NBAS: variants seen among roughly 807,000 people sequenced by gnomAD.
NBAS encodes NAG/BC035112 fusion.
A neutral mutation model predicts 302.5 loss-of-function variants in NBAS; 219 were observed. That is an observed-to-expected ratio of 0.72 (90% CI 0.65 to 0.81). The LOEUF is 0.81. Ranked by LOEUF, NBAS falls within the 30% of genes least tolerant of loss-of-function variation. The probability of loss-of-function intolerance (pLI) is 0.00; values close to 1 mark genes in which losing one functional copy is unlikely to be tolerated. For synonymous variants in NBAS, 1,118 were observed against 1,021.6 expected (o/e 1.09, Z -1.80); for missense variants, 2,932 against 2,841.6 (o/e 1.03, Z -0.72).
chr2:15,536,997 C>T (rs1480513542), intron 7 of NBAS, among the ~76,000 whole-genome samples: 1 of 152,212 alleles, frequency 6.6e-6, no homozygotes, highest in Non-Finnish European at 1.5e-5. Flanking sequence ...GGAAACTACA[C>T]ATGAAATACT....
chr2:15,369,929 A>C (rs1386524779), intron 31 of NBAS, among the ~76,000 whole-genome samples: 2 of 152,224 alleles, frequency 1.3e-5, no homozygotes, highest in African/African-American at 4.8e-5. Flanking sequence ...TATCAATTGC[A>C]GTCACTTGGG....
the NBAS span, among the ~76,000 whole-genome samples, chr2:14,975,684 T>C: frequency 6.6e-6 from 1 of 152,164 alleles, no homozygotes; most frequent in Admixed American, 6.5e-5. Context: ...TCTACCAGCT[T>C]CCTGCAGCTT....
At chr2:15,351,640 T>G (rs940024824) in intron 35 of NBAS, among the ~76,000 whole-genome samples, 7 of 151,904 alleles carry the variant, frequency 4.6e-5, no homozygotes, top group African/African-American at 1.7e-4. Flanking sequence ...ATCACACCAC[T>G]GCACTCTAGC....
the NBAS span, among the ~76,000 whole-genome samples, chr2:15,092,977 T>C: frequency 6.6e-6 from 1 of 152,192 alleles, no homozygotes; most frequent in Non-Finnish European, 1.5e-5. Flanking sequence ...TTTTCTAAAA[T>C]GTTCCTGGGG....
In NBAS at chr2:15,470,956, C is replaced by T. The variant is rs1216238621; in HGVS notation, c.1725+2266G>A. Among the ~76,000 whole-genome samples the T allele has an allele frequency of 2.0e-5, 3 of 152,038 alleles. No homozygotes were observed. In the East Asian group the frequency reaches 5.8e-4, roughly 29 times the overall value. On this transcript the variant is annotated intron_variant, in intron 16 of 51. Coordinates refer to ENST00000281513, the MANE Select transcript of NBAS (RefSeq NM_015909.4). ...AGCCTGGGCAAAAAAAAGCAAAACT[C>T]CATCTCAAAACAAAACAAAAAAAAT... is the stretch of plus-strand genomic sequence containing the variant.
intron 21 of NBAS, among the ~76,000 whole-genome samples, chr2:15,439,802 C>T (rs541144937): frequency 6.6e-6 from 1 of 152,204 alleles, no homozygotes; most frequent in Admixed American, 6.5e-5. Flanking sequence ...CACTCCCACA[C>T]GAATACTGCG....
chr2:14,965,747 CTT>C, the NBAS span, among the ~76,000 whole-genome samples: 1 of 148,552 alleles, frequency 6.7e-6, no homozygotes, highest in African/African-American at 2.4e-5. Context: ...AAAAACATCT[CTT>C]ATGAATATAA....
At chr2:15,222,099 G>A (rs1666972340) in intron 47 of NBAS, among the ~76,000 whole-genome samples, 1 of 152,226 alleles carries the variant, frequency 6.6e-6, no homozygotes, top group African/African-American at 2.4e-5. Flanking sequence ...TGCAAGGCAT[G>A]TAATACAATG....
At chr2:15,521,147 T>C (rs183560463) in intron 9 of NBAS, among the ~76,000 whole-genome samples, 5 of 152,324 alleles carry the variant, frequency 3.3e-5, no homozygotes, top group African/African-American at 1.2e-4. Context: ...TTCCCTGCCC[T>C]TGTGGAGTTA....
chr2:15,121,731 T>A, the NBAS span, among the ~76,000 whole-genome samples: 199 of 35,920 alleles, frequency 5.5e-3, no homozygotes, highest in East Asian at 0.11. Context: ...ACAAAAAAAA[T>A]TTTTTTTTTT....
the NBAS span, among the ~76,000 whole-genome samples, chr2:14,847,927 C>G: frequency 6.6e-6 from 1 of 152,178 alleles, no homozygotes; most frequent in Non-Finnish European, 1.5e-5. Flanking sequence ...TTATATCAAG[C>G]ATCTTCTCTG....
chr2:15,173,625 T>C (rs182889535), intron 51 of NBAS, among the ~76,000 whole-genome samples: 49 of 152,362 alleles, frequency 3.2e-4, no homozygotes, highest in Middle Eastern at 3.4e-3. Context: ...TTTCTCAGCA[T>C]ACCATCAGTT....
chr2:15,391,679 A>C (rs561005239), intron 28 of NBAS, among the ~76,000 whole-genome samples: 1 of 152,192 alleles, frequency 6.6e-6, no homozygotes, highest in African/African-American at 2.4e-5. Flanking sequence ...AAGACCCAAG[A>C]TCCAAGATCC....
intron 21 of NBAS, among the ~76,000 whole-genome samples, chr2:15,450,277 T>C (rs1297711598): frequency 6.6e-6 from 1 of 152,228 alleles, no homozygotes; most frequent in African/African-American, 2.4e-5. Context: ...TTTTGTACTC[T>C]GTGAATAAGC....
the NBAS span, among the ~76,000 whole-genome samples, chr2:14,906,235 T>C: frequency 6.6e-6 from 1 of 152,220 alleles, no homozygotes; most frequent in Non-Finnish European, 1.5e-5. Flanking sequence ...GCAGGCACTG[T>C]GCACAATTTG....
intron 21 of NBAS, among the ~76,000 whole-genome samples, chr2:15,430,804 G>T (rs1677727016): frequency 6.6e-6 from 1 of 151,838 alleles, no homozygotes; most frequent in Non-Finnish European, 1.5e-5. Flanking sequence ...CAGGTAGAGG[G>T]CAACTTTTTT....
intron 44 of NBAS, among the ~76,000 whole-genome samples, chr2:15,249,061 C>T (rs1441841093): frequency 6.6e-6 from 1 of 152,028 alleles, no homozygotes; most frequent in East Asian, 1.9e-4. Flanking sequence ...TGCAAAAATC[C>T]TCAATAAAAT....
intron 9 of NBAS, among the ~76,000 whole-genome samples, chr2:15,529,307 C>T (rs977644640): frequency 2.6e-5 from 4 of 151,946 alleles, no homozygotes; most frequent in African/African-American, 9.7e-5. Flanking sequence ...CAAGATCAGC[C>T]TGAGCAACAT....
the NBAS span, among the ~76,000 whole-genome samples, chr2:15,138,569 G>A: frequency 7.2e-5 from 11 of 152,110 alleles, no homozygotes; most frequent in Non-Finnish European, 1.5e-4. Context: ...CCAGGACCTG[G>A]AGGCCAACTC....
Sources: gnomAD v4.1 joint callset for allele counts (sites outside exome capture counted in the v4.1 genomes callset) on GRCh38, gnomAD v4.1.1 for gene constraint, MANE v1.5 for transcripts, NCBI Gene and HGNC (gene_info 2026-07-23, HGNC 2026-07-21) for gene names.